The following KALRN variants were observed in gnomAD, a reference collection of about 807,000 sequenced individuals.
KALRN encodes kalirin RhoGEF kinase.
KALRN carries 70 observed loss-of-function variants against 353.7 expected under a neutral mutation model. The ratio of observed to expected loss-of-function variants is 0.20; its 90% CI spans 0.16 to 0.24. The LOEUF (loss-of-function observed/expected upper bound fraction) is 0.24, where lower values mean the gene tolerates loss of function less well. KALRN is among the 10% of genes least tolerant of loss of function. The pLI is 1.00. For missense variants in KALRN, 2,791 were observed against 3,756.7 expected (o/e 0.74, Z 6.72); for synonymous variants, 1,391 against 1,434.8 (o/e 0.97, Z 0.69).
At chr3:124,159,410 A>G (rs1265063309) in intron 1 of KALRN, among the ~76,000 whole-genome samples, 1 of 152,092 alleles carries the variant, frequency 6.6e-6, no homozygotes, top group African/African-American at 2.4e-5. Flanking sequence ...AGCTGGGACT[A>G]TAAGCATGTG....
chr3:124,108,184 C>CA (rs1391700456), intron 1 of KALRN, among the ~76,000 whole-genome samples: 1 of 152,158 alleles, frequency 6.6e-6, no homozygotes, highest in East Asian at 1.9e-4. Flanking sequence ...ACCTTGGTTC[C>CA]ATACTCTGCC....
rs560018785 is a variant in KALRN, at chr3:124,666,487, C to G, written c.6384C>G (p.Asp2128Glu). ...LTAQGKLLQQ[D>E]TFYVIELDAG... is the part of the protein sequence containing the mutation. ...CTCAGGGGAAGCTGCTGCAGCAGGA[C>G]ACATTCTATGTGATCGAGCTGGATG... Residue 2128 changes from aspartate (D) to glutamate (E), a missense_variant, in exon 46 of 60, where the codon GAC becomes GAG. This residue lies in a region of KALRN where 1,065 missense variants were observed against 1,156.4 expected (regional missense o/e 0.92). Transcript: ENST00000682506. 1.9e-6 allele frequency: 3 copies of G among 1,614,024 alleles called. No homozygotes were observed. In the South Asian group the frequency reaches 3.3e-5, roughly 18 times the overall value.
At chr3:124,538,119 A>C (rs1179564135) in intron 33 of KALRN, among the ~76,000 whole-genome samples, 3 of 152,248 alleles carry the variant, frequency 2.0e-5, no homozygotes, top group Non-Finnish European at 4.4e-5. Flanking sequence ...GTGCAAGTAC[A>C]TATACCATGA....
At position 124,423,731 on chromosome 3, in the gene KALRN, T is replaced by C. The variant is rs563728770; in HGVS notation, c.2709+753T>C. Among the ~76,000 whole-genome samples the C allele has an allele frequency of 3.2e-4, 49 of 152,250 alleles. 2 individuals carry two copies. The South Asian group carries it at 5.8e-3, about 18-fold the overall frequency. On this transcript the variant is annotated intron_variant, in intron 15 of 59. Coordinates refer to ENST00000682506, the MANE Select transcript of KALRN (RefSeq NM_001388419.1). Reference sequence around the variant, plus strand: ...CAAAAAATTCTCAATATTAGCTGAATGTGGTGGCACATGCCTGTGGTCCCA... The same window carrying C: ...CAAAAAATTCTCAATATTAGCTGAACGTGGTGGCACATGCCTGTGGTCCCA...
At chr3:124,312,788 A>C (rs2078406284) in intron 6 of KALRN, among the ~76,000 whole-genome samples, 1 of 152,246 alleles carries the variant, frequency 6.6e-6, no homozygotes. Flanking sequence ...AAATTTAGTC[A>C]TTCCCAAATT....
intron 5 of KALRN, among the ~76,000 whole-genome samples, chr3:124,281,500 C>T (rs2075339102): frequency 6.6e-6 from 1 of 152,202 alleles, no homozygotes; most frequent in African/African-American, 2.4e-5. Flanking sequence ...GTGCTTTGCA[C>T]ATTCCCACCT....
intron 18 of KALRN, 25 bp downstream of exon 18, chr3:124,439,062 G>A: frequency 6.2e-7 from 1 of 1,606,910 alleles, no homozygotes; most frequent in Non-Finnish European, 8.5e-7. Context: ...TCATGCAAGG[G>A]CTCAGACTCC....
At chr3:124,707,642 G>A (rs1038264652) in intron 57 of KALRN, among the ~76,000 whole-genome samples, 1 of 152,200 alleles carries the variant, frequency 6.6e-6, no homozygotes, top group South Asian at 2.1e-4. Flanking sequence ...AACCCTTTGA[G>A]CTGGAGAGAA....
chr3:124,291,045 G>T (rs1448482488), intron 5 of KALRN, among the ~76,000 whole-genome samples: 2 of 152,162 alleles, frequency 1.3e-5, no homozygotes, highest in Non-Finnish European at 2.9e-5. Context: ...GCCATCTTGG[G>T]TACTGATCTA....
chr3:124,181,050 G>A (rs140773736), intron 1 of KALRN, among the ~76,000 whole-genome samples: 2,886 of 121,524 alleles, frequency 0.024, 86 homozygotes, highest in African/African-American at 0.086. Flanking sequence ...GGCCAACATG[G>A]CAAAACCCCA....
Position 124,033,998 on chromosome 3 carries a change from A to T in KALRN, c.73+185A>T, listed in dbSNP as rs938175882. On this transcript the variant is annotated intron_variant, in intron 1 of 59. Transcript: ENST00000682506. This position sits in a 1 kb window ranked among gnomAD's most constrained non-coding sequence, Gnocchi z 6.2. Reference sequence around the variant, plus strand: ...ATGGCAGTGCTGGCTGCGTCTGGGGAGGGCGTGGGGGCTGGGAACTCCGCG... The same window carrying T: ...ATGGCAGTGCTGGCTGCGTCTGGGGTGGGCGTGGGGGCTGGGAACTCCGCG... 2.0e-5 allele frequency among the ~76,000 whole-genome samples: 3 copies of T among 150,522 alleles called. No individual in the cohort carries two copies. The highest frequency in any genetic ancestry group is 7.4e-5 in the African/African-American group (3 of 40,778).
chr3:124,643,550 C>T (rs955565006), intron 37 of KALRN, among the ~76,000 whole-genome samples: 5 of 152,258 alleles, frequency 3.3e-5, no homozygotes, highest in African/African-American at 9.6e-5. Flanking sequence ...GGCTTGATCT[C>T]GGCTCACTGC....
At chr3:124,162,145 G>T (rs1212596581) in intron 1 of KALRN, 1 of 152,364 alleles carries the variant, frequency 6.6e-6, no homozygotes, top group African/African-American at 2.4e-5. Flanking sequence ...CTAAGAGGGG[G>T]TTGGGGGCAG....
At chr3:124,441,502 T>G (rs2093663952) in intron 18 of KALRN, among the ~76,000 whole-genome samples, 1 of 152,198 alleles carries the variant, frequency 6.6e-6, no homozygotes, top group Non-Finnish European at 1.5e-5. Context: ...TCCTTCTAGA[T>G]TCCTTCAGAG....
intron 17 of KALRN, among the ~76,000 whole-genome samples, chr3:124,437,626 G>T (rs1160662118): frequency 7.4e-6 from 1 of 135,138 alleles, no homozygotes; most frequent in African/African-American, 2.8e-5. Context: ...GGAGGCAGAG[G>T]TTGCATTGAG....
intron 25 of KALRN, among the ~76,000 whole-genome samples, chr3:124,474,160 TA>T (rs1197227574): frequency 2.6e-5 from 4 of 152,236 alleles, no homozygotes; most frequent in African/African-American, 9.6e-5. Context: ...GTCTGTATTA[TA>T]AAACATTGTT....
At chr3:124,712,045 G>A (rs868443652) in intron 57 of KALRN, among the ~76,000 whole-genome samples, 1 of 152,144 alleles carries the variant, frequency 6.6e-6, no homozygotes, top group Non-Finnish European at 1.5e-5. Flanking sequence ...TTGGGGACTT[G>A]GGGGAAAGGG....
chr3:124,382,521 T>A (rs753085882), intron 10 of KALRN, among the ~76,000 whole-genome samples: 3 of 152,326 alleles, frequency 2.0e-5, no homozygotes, highest in Non-Finnish European at 4.4e-5. Context: ...GACACAGGAA[T>A]TTCTATGCTA....
intron 25 of KALRN, among the ~76,000 whole-genome samples, chr3:124,471,924 G>A (rs531233674): frequency 4.4e-5 from 6 of 137,684 alleles, no homozygotes; most frequent in Admixed American, 1.6e-4. Context: ...CAGAGACTGC[G>A]CCACTGCACT....
Sources: allele counts gnomAD v4.1 joint callset (sites outside exome capture counted in the v4.1 genomes callset), GRCh38; gene constraint gnomAD v4.1.1; regional missense constraint gnomAD v4.1.1; non-coding constraint Gnocchi (gnomAD v3.1); transcripts MANE v1.5; gene names NCBI Gene and HGNC (gene_info 2026-07-23, HGNC 2026-07-21).